Variants in ATP2B1 observed in about 807,000 individuals in gnomAD.
ATP2B1 encodes plasma membrane calcium-transporting ATPase 1.
A neutral mutation model predicts 124.2 loss-of-function variants in ATP2B1; 14 were observed. That is an observed-to-expected ratio of 0.11 (90% CI 0.07 to 0.18). ATP2B1 has a LOEUF of 0.18. Among genes scored for constraint, ATP2B1 ranks in the 10% least tolerant of loss-of-function variants. The pLI is 1.00. For synonymous variants in ATP2B1, 449 were observed against 492.4 expected, an observed-to-expected ratio of 0.91 and a Z score of 1.17; for missense variants, 763 against 1,466.1, an observed-to-expected ratio of 0.52 and a Z score of 7.83.
intron 1 of ATP2B1, among the ~76,000 whole-genome samples, chr12:89,697,336 A>C (rs1891261970): frequency 6.6e-6 from 1 of 152,214 alleles, no homozygotes; most frequent in South Asian, 2.1e-4. Context: ...TAATAAAGAA[A>C]TGAGGAATCT....
At chr12:89,602,907 A>G in intron 18 of ATP2B1, 136 bp downstream of exon 18, 1 of 733,238 alleles carries the variant, frequency 1.4e-6, no homozygotes, top group South Asian at 2.0e-5. Flanking sequence ...TATACCTTAA[A>G]TCACCATGAT....
intron 15 of ATP2B1, among the ~76,000 whole-genome samples, chr12:89,608,440 T>A (rs1005848067): frequency 6.6e-6 from 1 of 151,882 alleles, no homozygotes; most frequent in African/African-American, 2.4e-5. Context: ...CCTCCCAAAG[T>A]GCTGGGATTA....
At chr12:89,655,190 A>G (rs1273265060) in intron 2 of ATP2B1, among the ~76,000 whole-genome samples, 1 of 152,222 alleles carries the variant, frequency 6.6e-6, no homozygotes, top group African/African-American at 2.4e-5. Context: ...ACTAACTTCC[A>G]TCTCTTCTAT....
intron 19 of ATP2B1, among the ~76,000 whole-genome samples, chr12:89,599,882 A>G (rs1245348270): frequency 1.3e-5 from 2 of 152,210 alleles, no homozygotes; most frequent in East Asian, 3.8e-4. Context: ...CAATACACGT[A>G]TATTAGCTTA....
At chr12:89,613,068 C>T (rs1565818440) in intron 12 of ATP2B1, among the ~76,000 whole-genome samples, 1 of 152,022 alleles carries the variant, frequency 6.6e-6, no homozygotes, top group Non-Finnish European at 1.5e-5. Context: ...CAACCTCTGC[C>T]TCCCAGGCTC....
intron 20 of ATP2B1, chr12:89,594,288 G>A (rs1263874358): frequency 6.6e-6 from 1 of 151,910 alleles, no homozygotes; most frequent in African/African-American, 2.4e-5. Flanking sequence ...ATTACTTTCT[G>A]TATGTAAAAT....
chr12:89,693,829 G>A (rs1001149451), intron 1 of ATP2B1, among the ~76,000 whole-genome samples: 2 of 152,158 alleles, frequency 1.3e-5, no homozygotes, highest in South Asian at 2.1e-4. Context: ...AACTTCTGGC[G>A]GCTTAGAGGG....
At chr12:89,672,457 AAAT>A (rs1888112888) in intron 1 of ATP2B1, among the ~76,000 whole-genome samples, 1 of 152,172 alleles carries the variant, frequency 6.6e-6, no homozygotes, top group South Asian at 2.1e-4. Context: ...CCCTCTCAAA[AAAT>A]AAAAACAATT....
intron 1 of ATP2B1, among the ~76,000 whole-genome samples, chr12:89,705,529 G>A (rs1193986775): frequency 6.6e-6 from 1 of 152,120 alleles, no homozygotes; most frequent in Non-Finnish European, 1.5e-5. Context: ...TATTACAGAA[G>A]ACCAATAGTT....
intron 1 of ATP2B1, among the ~76,000 whole-genome samples, chr12:89,668,377 C>T (rs1433125502): frequency 6.6e-6 from 1 of 152,056 alleles, no homozygotes; most frequent in East Asian, 1.9e-4. Context: ...TAACAGAAAA[C>T]TAAAATAAGA....
At chr12:89,630,675 A>G in intron 5 of ATP2B1, 30 bp from the exon 6 acceptor site, 10 of 1,424,102 alleles carry the variant, frequency 7.0e-6, no homozygotes, top group Non-Finnish European at 9.3e-6. Flanking sequence ...TTGTTTTTAA[A>G]AATACTGATA....
chr12:89,640,774 GA>G (rs60080602), intron 3 of ATP2B1, among the ~76,000 whole-genome samples: 1,949 of 152,124 alleles, frequency 0.013, 39 homozygotes, highest in African/African-American at 0.044. Flanking sequence ...GCAGGTCCTT[GA>G]AAAATCCTGG....
chr12:89,662,210 A>G (rs1886793263), intron 1 of ATP2B1, among the ~76,000 whole-genome samples: 1 of 151,708 alleles, frequency 6.6e-6, no homozygotes, highest in Non-Finnish European at 1.5e-5. Flanking sequence ...TGATCTTTCA[A>G]CCTTCTTACA....
At chr12:89,591,409 T>G in intron 20 of ATP2B1, 114 bp from the exon 21 acceptor site, 4 of 886,874 alleles carry the variant, frequency 4.5e-6, no homozygotes, top group Non-Finnish European at 6.7e-6. Context: ...CATATTTGCA[T>G]GTAATGCAGT....
chr12:89,599,333 C>G (rs1212741243), intron 19 of ATP2B1, 34 bp from the exon 20 acceptor site: 17 of 1,601,404 alleles, frequency 1.1e-5, no homozygotes, highest in Non-Finnish European at 1.5e-5. Context: ...AGAAATAAAT[C>G]ATATCAAGTA....
chr12:89,613,752 C>A (rs1365248961), intron 12 of ATP2B1, among the ~76,000 whole-genome samples: 1 of 152,136 alleles, frequency 6.6e-6, no homozygotes, highest in Non-Finnish European at 1.5e-5. Flanking sequence ...ATAAGAAAGG[C>A]ACACTAACAT....
In ATP2B1 at chr12:89,589,543, T is replaced by C. The variant is rs1409158747; in HGVS notation, c.*1441A>G. 6.6e-6 allele frequency: 1 copy of C among 152,130 alleles called. No individual in the cohort carries two copies. Among genetic ancestry groups the C allele is most frequent in the African/African-American group, 2.4e-5 (1 of 41,444 alleles). The allele number at this position is 152,130 out of a possible 1,614,324, so 9.4% of individuals were successfully genotyped here. ...ATAAATGTATCAAAGACAATGGTGG[T>C]CATTGTTGTTATGTTTTTTACCTGT... is the stretch of plus-strand genomic sequence containing the variant. On this transcript the variant is annotated 3_prime_UTR_variant, in exon 21 of 21. Transcript: ENST00000428670.
chr12:89,672,059 G>A lies in ATP2B1; in HGVS notation c.-221-15952C>T, dbSNP rs565442156. Among the ~76,000 whole-genome samples, 3 of 152,270 alleles carry A rather than the reference G, an allele frequency of 2.0e-5. No individual in the cohort carries two copies. In the South Asian group the frequency reaches 6.2e-4, roughly 32 times the overall value. On this transcript the variant is annotated intron_variant, in intron 1 of 20. Coordinates refer to ENST00000428670, the MANE Select transcript of ATP2B1 (RefSeq NM_001366521.1). ...TTTGAAATCTCTAGAGTAGAAAGAAGCAACAACGAAATGACAAAATTCTAA... is the reference window on the plus strand; with the variant it reads ...TTTGAAATCTCTAGAGTAGAAAGAAACAACAACGAAATGACAAAATTCTAA...
At chr12:89,674,456 C>G (rs1565900616) in intron 1 of ATP2B1, among the ~76,000 whole-genome samples, 2 of 151,946 alleles carry the variant, frequency 1.3e-5, no homozygotes, top group South Asian at 2.1e-4. Flanking sequence ...GAACTTGTAC[C>G]TATACTAGCA....
Sources: gnomAD v4.1 joint callset for allele counts (sites outside exome capture counted in the v4.1 genomes callset) on GRCh38, gnomAD v4.1.1 for gene constraint, MANE v1.5 for transcripts, NCBI Gene and HGNC (gene_info 2026-07-23, HGNC 2026-07-21) for gene names.